Variants in EFCAB6 observed in about 807,000 individuals in gnomAD.
The protein encoded by EFCAB6 is EF-hand calcium binding domain 6, also known as EF-hand calcium-binding domain-containing protein 6.
EFCAB6 carries 156 observed loss-of-function variants against 169.8 expected under a neutral mutation model. That is an observed-to-expected ratio of 0.92 (90% CI 0.81 to 1.05). EFCAB6 has a LOEUF of 1.05. Among genes scored for constraint, EFCAB6 ranks in the 50% least tolerant of loss-of-function variants. The pLI, the probability that EFCAB6 is intolerant of heterozygous loss-of-function variation, is 0.00. For missense variants in EFCAB6, 1,800 were observed against 1,829.1 expected (o/e 0.98, Z 0.29); for synonymous variants, 698 against 676.4 (o/e 1.03, Z -0.50).
rs2062452014 is a variant in EFCAB6 at position 43,795,042 on chromosome 22, G to A, written c.-7-12717C>T. On this transcript the variant is annotated intron_variant, in intron 2 of 31. Coordinates refer to ENST00000262726, the MANE Select transcript of EFCAB6 (RefSeq NM_022785.4). This position sits in a 1 kb window ranked among gnomAD's most constrained non-coding sequence, Gnocchi z 4.2. ...CAAGGAGCTCCCCAGGCCCTGTACAGCCCCTTGCCCTGCCCGAACCTCATC... is the reference window on the plus strand; with the variant it reads ...CAAGGAGCTCCCCAGGCCCTGTACAACCCCTTGCCCTGCCCGAACCTCATC... 6.6e-6 allele frequency among the ~76,000 whole-genome samples: 1 copy of A among 152,088 alleles called. No individual in the cohort carries two copies. The highest frequency in any genetic ancestry group is 1.5e-5 in the Non-Finnish European group (1 of 68,016).
intron 20 of EFCAB6, among the ~76,000 whole-genome samples, chr22:43,623,713 G>T (rs1377007811): frequency 3.5e-5 from 5 of 142,272 alleles, no homozygotes; most frequent in East Asian, 2.0e-4. Flanking sequence ...GGCTAACATA[G>T]TGAAACCCCG....
intron 26 of EFCAB6, among the ~76,000 whole-genome samples, chr22:43,574,692 A>C (rs981314197): frequency 1.3e-5 from 2 of 152,180 alleles, no homozygotes; most frequent in Non-Finnish European, 2.9e-5. Context: ...GTCACTATAA[A>C]ACAAGAGCAA....
intron 15 of EFCAB6, among the ~76,000 whole-genome samples, chr22:43,670,708 A>G (rs1397860444): frequency 6.6e-6 from 1 of 152,242 alleles, no homozygotes; most frequent in Non-Finnish European, 1.5e-5. Context: ...ACAACTGTGA[A>G]CAAACCAGAA....
At chr22:43,660,478 C>A (rs1245481976) in intron 17 of EFCAB6, among the ~76,000 whole-genome samples, 1 of 151,888 alleles carries the variant, frequency 6.6e-6, no homozygotes, top group Non-Finnish European at 1.5e-5. Context: ...TTTTTCCATA[C>A]TAGTAATGCA....
chr22:43,649,190 T>C (rs2056339877), intron 17 of EFCAB6, among the ~76,000 whole-genome samples: 1 of 152,148 alleles, frequency 6.6e-6, no homozygotes, highest in Non-Finnish European at 1.5e-5. Context: ...CAGAGATAAA[T>C]AATGATGTCC....
rs2050267357 is a variant in EFCAB6, at chr22:43,576,497, AAAG to A, written c.3229-12_3229-10del. The A allele has an allele frequency of 1.3e-6, 2 of 1,514,200 alleles. No individual in the cohort carries two copies. 93.8% of individuals were successfully genotyped at this position (1,514,200 alleles called of 1,614,324 possible). A position where few individuals can be genotyped will look rare whatever the true frequency, so the allele number is the denominator to read the frequency against. On this transcript the variant is annotated splice_polypyrimidine_tract_variant and intron_variant, in intron 25 of 31. Coordinates refer to ENST00000262726, the MANE Select transcript of EFCAB6 (RefSeq NM_022785.4). ...TCCAATGCAGAAAATGCCTAAAAAG[AAAG>A]AAAAGAAAAAAAGATGGCAAATCCT...
At chr22:43,672,685 G>A (rs993099592) in intron 13 of EFCAB6, among the ~76,000 whole-genome samples, 7 of 152,054 alleles carry the variant, frequency 4.6e-5, no homozygotes, top group African/African-American at 9.7e-5. Context: ...GGGGCCTATC[G>A]GAGAACAAGA....
chr22:43,730,252 A>G (rs1356325257), intron 8 of EFCAB6, among the ~76,000 whole-genome samples: 1 of 99,632 alleles, frequency 1.0e-5, no homozygotes, highest in Non-Finnish European at 2.1e-5. Flanking sequence ...GGAAGGAGGG[A>G]AGGAGGAAAG....
intron 8 of EFCAB6, among the ~76,000 whole-genome samples, chr22:43,723,171 G>A (rs925449734): frequency 1.8e-4 from 27 of 152,222 alleles, no homozygotes; most frequent in Non-Finnish European, 1.5e-4. Flanking sequence ...AAGGGATGAG[G>A]AGTTGTTTCT....
intron 17 of EFCAB6, among the ~76,000 whole-genome samples, chr22:43,663,895 A>C (rs551764599): frequency 6.6e-6 from 1 of 152,282 alleles, no homozygotes; most frequent in East Asian, 1.9e-4. Flanking sequence ...GAATTGTGAG[A>C]GAGTAATTTC....
intron 8 of EFCAB6, among the ~76,000 whole-genome samples, chr22:43,718,739 C>T (rs904296576): frequency 6.6e-6 from 1 of 152,148 alleles, no homozygotes; most frequent in Admixed American, 6.5e-5. Context: ...TGAGATCATG[C>T]CACTGCACTC....
At chr22:43,626,728 G>A (rs769626429) in intron 19 of EFCAB6, 49 bp from the exon 20 acceptor site, 39 of 1,578,178 alleles carry the variant, frequency 2.5e-5, no homozygotes, top group East Asian at 6.7e-5. Context: ...AGCCCCGGAC[G>A]GCCACACATG....
intron 16 of EFCAB6, 80 bp downstream of exon 16, chr22:43,668,792 G>T: frequency 7.9e-7 from 1 of 1,272,778 alleles, no homozygotes; most frequent in Non-Finnish European, 1.0e-6. Context: ...AAAATACTCA[G>T]TTGACAAATA....
intron 26 of EFCAB6, among the ~76,000 whole-genome samples, chr22:43,557,607 G>C (rs1248148272): frequency 6.6e-6 from 1 of 152,102 alleles, no homozygotes; most frequent in Non-Finnish European, 1.5e-5. Context: ...ACCCTTAAGG[G>C]ATAGATAATT....
rs776927915 is a variant in EFCAB6, at chr22:43,608,544, C to A, written c.2619G>T (p.Lys873Asn). 6.2e-7 allele frequency: 1 copy of A among 1,614,174 alleles called. No individual in the cohort carries two copies. The highest frequency in any genetic ancestry group is 2.2e-5 in the East Asian group (1 of 44,888). The change falls in exon 22 of 32, where the codon AAG becomes AAT. Residue 873 changes from lysine to asparagine, a missense_variant. Transcript: ENST00000262726. ...GAATATCAAAACCGTACAGTGCGTT[C>A]TTTATGTCCCGGCGTCGAAGAATGC... ...GNGILRRRDI[K>N]NALYGFDIPL...
At chr22:43,603,222 C>A (rs1342401670) in intron 22 of EFCAB6, among the ~76,000 whole-genome samples, 5 of 152,152 alleles carry the variant, frequency 3.3e-5, no homozygotes, top group African/African-American at 1.2e-4. Flanking sequence ...CTATTCTCAT[C>A]CAAAGGAACA....
intron 2 of EFCAB6, among the ~76,000 whole-genome samples, chr22:43,794,698 G>T (rs5764302): frequency 0.88 from 133,508 of 152,156 alleles, 58,622 homozygotes; most frequent in East Asian, 0.99. Context: ...TCTACATACA[G>T]TTCTAATCAA....
At position 43,540,213 on chromosome 22, in the gene EFCAB6, G is replaced by A. The variant is rs781407009; in HGVS notation, c.3793C>T (p.Pro1265Ser). The change falls in exon 28 of 32, where the codon CCT (proline) becomes TCT (serine). Residue 1265 changes from proline to serine, a missense_variant. Coordinates refer to ENST00000262726, the MANE Select transcript of EFCAB6 (RefSeq NM_022785.4). ...SAVAQRGSSV[P>S]DVSEGTRSAL... ...GATCTGGTGCCTTCCGAGACGTCAG[G>A]GACACTGCTCCCTCTCTGGGCCACG... 1.2e-6 allele frequency: 2 copies of A among 1,614,210 alleles called. No homozygotes were observed. Among genetic ancestry groups the A allele is most frequent in the Admixed American group, 1.7e-5 (1 of 60,024 alleles).
chr22:43,643,441 A>G (rs566232508), intron 17 of EFCAB6, among the ~76,000 whole-genome samples: 7 of 152,356 alleles, frequency 4.6e-5, no homozygotes, highest in Admixed American at 2.0e-4. Context: ...CAGAGATGCA[A>G]GAGCCTGCCT....
Sources: gnomAD v4.1 joint callset for allele counts (sites outside exome capture counted in the v4.1 genomes callset) on GRCh38, gnomAD v4.1.1 for gene constraint, Gnocchi (gnomAD v3.1) non-coding constraint, MANE v1.5 for transcripts, NCBI Gene and HGNC (gene_info 2026-07-23, HGNC 2026-07-21) for gene names.